HSD17B12: variants seen among roughly 807,000 people sequenced by gnomAD.
HSD17B12 encodes very-long-chain 3-oxoacyl-CoA reductase.
In HSD17B12, 32 loss-of-function variants were observed where a neutral mutation model predicts 39.3. That is an observed-to-expected ratio of 0.81 (90% CI 0.61 to 1.09). The LOEUF is 1.09. Ranked by LOEUF, HSD17B12 falls within the 50% of genes least tolerant of loss-of-function variation. The pLI is 0.00. For synonymous variants in HSD17B12, 150 were observed against 146.7 expected (o/e 1.02, Z -0.16); for missense variants, 342 against 382.9 (o/e 0.89, Z 0.89).
At chr11:43,797,591 T>A (rs1177894225) in intron 3 of HSD17B12, among the ~76,000 whole-genome samples, 2 of 152,216 alleles carry the variant, frequency 1.3e-5, no homozygotes, top group African/African-American at 4.8e-5. Context: ...GTGCTATCTC[T>A]TCACAGGGGC....
intron 7 of HSD17B12, among the ~76,000 whole-genome samples, chr11:43,836,801 C>A (rs1305208539): frequency 1.3e-5 from 2 of 151,916 alleles, no homozygotes; most frequent in East Asian, 1.9e-4. Context: ...TTTTTATGTT[C>A]GAATTGTTGG....
chr11:43,600,467 G>A, the HSD17B12 span, among the ~76,000 whole-genome samples: 1,097 of 152,120 alleles, frequency 7.2e-3, 18 homozygotes, highest in African/African-American at 0.025. Context: ...TGAATGTTGC[G>A]GAGAAGGCTG....
chr11:43,763,565 A>G (rs893026411), intron 3 of HSD17B12, among the ~76,000 whole-genome samples: 2 of 148,428 alleles, frequency 1.3e-5, no homozygotes, highest in Non-Finnish European at 3.0e-5. Flanking sequence ...TTCTTTGTTG[A>G]TTTCAATATA....
the HSD17B12 span, among the ~76,000 whole-genome samples, chr11:43,588,589 GTTAGCTATTATTATTA>G: frequency 8.9e-6 from 1 of 112,550 alleles, no homozygotes; most frequent in African/African-American, 2.9e-5. Context: ...TTCAAAAAAT[GTTAGCTATTATTATTA>G]TTAGCTATTA....
chr11:43,678,671 G>A (rs1384946735), upstream of HSD17B12, among the ~76,000 whole-genome samples: 1 of 152,104 alleles, frequency 6.6e-6, no homozygotes, highest in African/African-American at 2.4e-5. Context: ...AGTTTTCCCA[G>A]CACCATTTAT....
At chr11:43,834,830 A>G (rs1217763813) in intron 7 of HSD17B12, among the ~76,000 whole-genome samples, 1 of 152,116 alleles carries the variant, frequency 6.6e-6, no homozygotes, top group Non-Finnish European at 1.5e-5. Context: ...ATTAAAGAGA[A>G]TATGTTTATA....
the HSD17B12 span, among the ~76,000 whole-genome samples, chr11:43,590,671 C>T: frequency 7.3e-5 from 11 of 151,164 alleles, no homozygotes; most frequent in Admixed American, 4.0e-4. Flanking sequence ...CCACCATGTC[C>T]GGCTAATTTT....
At chr11:43,688,207 G>A (rs1209675557) in intron 1 of HSD17B12, among the ~76,000 whole-genome samples, 1 of 148,856 alleles carries the variant, frequency 6.7e-6, no homozygotes, top group Admixed American at 6.7e-5. Context: ...GCAACACTCT[G>A]TCTCAAAAAA....
chr11:43,657,875 G>A, the HSD17B12 span, among the ~76,000 whole-genome samples: 1 of 152,142 alleles, frequency 6.6e-6, no homozygotes, highest in Non-Finnish European at 1.5e-5. Context: ...TGACAATTAT[G>A]TGTCTTGGAG....
the HSD17B12 span, among the ~76,000 whole-genome samples, chr11:43,617,394 A>G: frequency 2.4e-4 from 36 of 151,616 alleles, no homozygotes; most frequent in African/African-American, 8.7e-4. Flanking sequence ...TAAGATTGGG[A>G]GGGTGGATAC....
chr11:43,614,061 C>T, the HSD17B12 span, among the ~76,000 whole-genome samples: 2 of 152,140 alleles, frequency 1.3e-5, no homozygotes, highest in African/African-American at 4.8e-5. Context: ...ATATTATGAG[C>T]CACACTTTTA....
chr11:43,750,979 T>G (rs1361227215), intron 2 of HSD17B12, 22 bp downstream of exon 2: 1 of 1,514,558 alleles, frequency 6.6e-7, no homozygotes. Flanking sequence ...TCAAGATCTT[T>G]CCTTTTAATA....
the HSD17B12 span, among the ~76,000 whole-genome samples, chr11:43,617,252 A>G: frequency 6.6e-6 from 1 of 152,256 alleles, no homozygotes; most frequent in East Asian, 1.9e-4. Flanking sequence ...CTTAGTCTGA[A>G]CTGCTTGAGA....
intron 1 of HSD17B12, among the ~76,000 whole-genome samples, chr11:43,682,263 A>G (rs1485867239): frequency 6.6e-6 from 1 of 152,202 alleles, no homozygotes; most frequent in Non-Finnish European, 1.5e-5. Context: ...AAAGGAAGTG[A>G]AATGTTCAGC....
At chr11:43,737,169 C>A (rs1249999535) in intron 1 of HSD17B12, among the ~76,000 whole-genome samples, 2 of 152,168 alleles carry the variant, frequency 1.3e-5, no homozygotes, top group African/African-American at 4.8e-5. Flanking sequence ...ATGGACTTTA[C>A]AGTCAGAATT....
the HSD17B12 span, among the ~76,000 whole-genome samples, chr11:43,614,710 T>C: frequency 9.6e-4 from 146 of 152,258 alleles, 3 homozygotes; most frequent in South Asian, 0.029. Context: ...TGCTTTATTT[T>C]CTTTGGTCTT....
intron 3 of HSD17B12, among the ~76,000 whole-genome samples, chr11:43,770,123 C>T (rs1950634810): frequency 6.6e-6 from 1 of 152,200 alleles, no homozygotes; most frequent in Non-Finnish European, 1.5e-5. Context: ...GGACTTGTTC[C>T]CATAGCATTC....
At chr11:43,558,845 G>A in the HSD17B12 span, among the ~76,000 whole-genome samples, 1 of 152,042 alleles carries the variant, frequency 6.6e-6, no homozygotes. Context: ...TTTGGGGAGG[G>A]TGCTTGGAAG....
the HSD17B12 span, among the ~76,000 whole-genome samples, chr11:43,571,175 T>C: frequency 6.6e-6 from 1 of 152,226 alleles, no homozygotes; most frequent in Non-Finnish European, 1.5e-5. Context: ...CCCATGAATT[T>C]GTGATTGAGC....
Sources: gnomAD v4.1 joint callset for allele counts (sites outside exome capture counted in the v4.1 genomes callset) on GRCh38, gnomAD v4.1.1 for gene constraint, MANE v1.5 for transcripts, NCBI Gene and HGNC (gene_info 2026-07-23, HGNC 2026-07-21) for gene names.